The following GCNT4 variants were observed in gnomAD, a reference collection of about 807,000 sequenced individuals.
GCNT4 encodes the protein beta-1,3-galactosyl-O-glycosyl-glycoprotein beta-1,6-N-acetylglucosaminyltransferase 4.
Under a neutral mutation model 31.3 loss-of-function variants are expected in GCNT4, and 17 were observed. The observed-to-expected ratio is 0.54, with a 90% CI of 0.37 to 0.81. The LOEUF (loss-of-function observed/expected upper bound fraction) is 0.81. Ranked by LOEUF, GCNT4 falls within the 40% of genes least tolerant of loss-of-function variation. The pLI, the probability that GCNT4 is intolerant of heterozygous loss-of-function variation, is 0.00. For missense variants in GCNT4, 503 were observed against 525.5 expected (o/e 0.96, Z 0.42); for synonymous variants, 158 against 190.6 (o/e 0.83, Z 1.41).
intron 3 of GCNT4, among the ~76,000 whole-genome samples, chr5:75,033,323 G>T (rs889931293): frequency 6.6e-6 from 1 of 152,172 alleles, no homozygotes. Flanking sequence ...GGAGGTCATG[G>T]TTGCCTGCCC....
intron 3 of GCNT4, among the ~76,000 whole-genome samples, chr5:75,040,943 A>AGTT (rs1743302179): frequency 8.5e-6 from 1 of 117,488 alleles, no homozygotes; most frequent in African/African-American, 5.0e-5. Flanking sequence ...TAATCTTTAG[A>AGTT]GTTTTTTCCC....
chr5:75,039,421 T>G (rs553372302), intron 3 of GCNT4, among the ~76,000 whole-genome samples: 3 of 152,324 alleles, frequency 2.0e-5, no homozygotes, highest in African/African-American at 4.8e-5. Context: ...TATACTCCAT[T>G]CAATTATTCT....
intron 2 of GCNT4, among the ~76,000 whole-genome samples, chr5:75,051,801 TATAAACC>T (rs1349195033): frequency 1.3e-5 from 2 of 151,796 alleles, no homozygotes; most frequent in African/African-American, 4.8e-5. Flanking sequence ...AAGAAAAGAG[TATAAACC>T]TTCTCATCCC....
intron 2 of GCNT4, among the ~76,000 whole-genome samples, chr5:75,048,994 C>A (rs1743507853): frequency 6.6e-6 from 1 of 152,190 alleles, no homozygotes; most frequent in Non-Finnish European, 1.5e-5. Flanking sequence ...ACTTTGAGAA[C>A]CGCTGCTCTA....
At chr5:75,043,112 T>C (rs541840552) in intron 3 of GCNT4, among the ~76,000 whole-genome samples, 215 of 152,354 alleles carry the variant, frequency 1.4e-3, no homozygotes, top group African/African-American at 4.9e-3. Context: ...TCTTTCTCAA[T>C]ACGTAGGTTT....
downstream of GCNT4, among the ~76,000 whole-genome samples, chr5:75,021,541 C>A (rs1440512447): frequency 6.6e-6 from 1 of 152,146 alleles, no homozygotes; most frequent in African/African-American, 2.4e-5. Context: ...CACTAGCCAC[C>A]CTTATAAGGT....
At chr5:75,021,903 A>G (rs1157733261), downstream of GCNT4, among the ~76,000 whole-genome samples, 3 of 152,090 alleles carry the variant, frequency 2.0e-5, no homozygotes, top group African/African-American at 7.2e-5. Context: ...CATCCTTTCT[A>G]TCCCCTCATG....
At chr5:75,035,834 CT>C (rs1273241313) in intron 3 of GCNT4, among the ~76,000 whole-genome samples, 1 of 152,170 alleles carries the variant, frequency 6.6e-6, no homozygotes, top group Non-Finnish European at 1.5e-5. Flanking sequence ...GACTTCATGG[CT>C]TCTTTAAAGA....
chr5:75,033,415 G>C (rs1355671250), intron 3 of GCNT4, among the ~76,000 whole-genome samples: 1 of 152,180 alleles, frequency 6.6e-6, no homozygotes, highest in African/African-American at 2.4e-5. Context: ...CTGGCTCAGG[G>C]GCCCACATCT....
downstream of GCNT4, among the ~76,000 whole-genome samples, chr5:75,023,513 T>C (rs566130175): frequency 1.7e-4 from 26 of 151,890 alleles, no homozygotes; most frequent in South Asian, 5.5e-3. Context: ...AGCACTGTTA[T>C]TTATGACAGC....
downstream of GCNT4, among the ~76,000 whole-genome samples, chr5:75,022,127 C>G (rs1281189242): frequency 6.6e-6 from 1 of 152,158 alleles, no homozygotes; most frequent in African/African-American, 2.4e-5. Flanking sequence ...ACACATACGT[C>G]TGAACTCGAG....
intron 2 of GCNT4, among the ~76,000 whole-genome samples, chr5:75,051,500 A>C (rs1156338752): frequency 6.6e-6 from 1 of 152,190 alleles, no homozygotes; most frequent in Non-Finnish European, 1.5e-5. Flanking sequence ...GATAAGCCCC[A>C]GGTCACCAGG....
At chr5:75,048,963 T>G (rs924022769) in intron 2 of GCNT4, among the ~76,000 whole-genome samples, 1 of 152,216 alleles carries the variant, frequency 6.6e-6, no homozygotes, top group Non-Finnish European at 1.5e-5. Flanking sequence ...GCGATGCTGA[T>G]GTAACTGGTC....
rs1465620977 is a variant in GCNT4 at position 75,027,328 on chromosome 5, T to C, written c.*1348A>G. ...TAATTATATGTATATATAATATATA[T>C]TCATATACAATATATGTATATATAA... On this transcript the variant is annotated 3_prime_UTR_variant, in exon 4 of 4. Transcript: ENST00000652361. 1 of 48,114 alleles carries C rather than the reference T, an allele frequency of 2.1e-5. No individual in the cohort carries two copies. The highest frequency in any genetic ancestry group is 3.2e-5 in the Non-Finnish European group (1 of 31,302). 3.0% of individuals were successfully genotyped at this position (48,114 alleles called of 1,614,324 possible).
At chr5:75,037,178 C>A (rs878982663) in intron 3 of GCNT4, among the ~76,000 whole-genome samples, 1 of 152,160 alleles carries the variant, frequency 6.6e-6, no homozygotes, top group Non-Finnish European at 1.5e-5. Flanking sequence ...CCTGCTACTG[C>A]AGCTCCTTGA....
chr5:75,035,685 C>T (rs1220385552), intron 3 of GCNT4, among the ~76,000 whole-genome samples: 3 of 152,214 alleles, frequency 2.0e-5, no homozygotes, highest in East Asian at 1.9e-4. Flanking sequence ...GCTACCCCAA[C>T]GCTGGCGCTT....
Position 75,029,266 on chromosome 5 carries a change from G to T in GCNT4, c.772C>A (p.Pro258Thr), listed in dbSNP as rs763245882. Residue 258 changes from proline to threonine, a missense_variant, in exon 4 of 4, where the codon CCA becomes ACA. By Grantham distance (38) the Pro-to-Thr change is conservative. Coordinates refer to ENST00000652361, the MANE Select transcript of GCNT4 (RefSeq NM_001366737.1). ...GTGAATCTTTCCAATTTACTGTTTG[G>T]GGGTTTCACCGTCTCCAACATATTT... The part of the protein sequence containing the change: ...GANMLETVKP[P>T]NSKLERFTYH... 11 of 1,614,012 alleles carry T rather than the reference G, an allele frequency of 6.8e-6. No homozygotes were observed. The highest frequency in any genetic ancestry group is 9.3e-6 in the Non-Finnish European group (11 of 1,180,000).
chr5:75,049,267 T>C (rs1743513472), intron 2 of GCNT4, among the ~76,000 whole-genome samples: 1 of 152,258 alleles, frequency 6.6e-6, no homozygotes, highest in South Asian at 2.1e-4. Context: ...TGGCATCTTA[T>C]ATGGTAGACA....
In GCNT4 at chr5:75,029,941, T is replaced by G. The variant is rs1743026535; in HGVS notation, c.97A>C (p.Asn33His). The change falls in exon 4 of 4, where the codon AAT becomes CAT. Residue 33 changes from asparagine (N) to histidine (H), a missense_variant. Asn to His is a moderately conservative substitution (Grantham distance 68, BLOSUM62 1). Transcript: ENST00000652361. The stretch of plus-strand genomic sequence containing the variant: ...TTTTGCGGAAAGAGTCGTCTCACAT[T>G]TAGAAGCTTTAACAAAGAGAGCAGC... ...LWLLSLLKLL[N>H]VRRLFPQKDI... is the part of the protein sequence containing the mutation. 3 of 1,613,956 alleles carry G rather than the reference T, an allele frequency of 1.9e-6. No individual in the cohort carries two copies. Among genetic ancestry groups the G allele is most frequent in the Non-Finnish European group, 1.7e-6 (2 of 1,180,020 alleles).
Sources: gnomAD v4.1 joint callset for allele counts (sites outside exome capture counted in the v4.1 genomes callset) on GRCh38, gnomAD v4.1.1 for gene constraint, MANE v1.5 for transcripts, NCBI Gene and HGNC (gene_info 2026-07-23, HGNC 2026-07-21) for gene names.